The following MGAM variants were observed in gnomAD, a reference collection of about 807,000 sequenced individuals.
The protein encoded by MGAM is maltase-glucoamylase.
MGAM carries 253 observed loss-of-function variants against 358.8 expected under a neutral mutation model. That is an observed-to-expected ratio of 0.71 (90% confidence interval 0.64 to 0.78). The LOEUF is 0.78. Ranked by LOEUF, MGAM falls within the 30% of genes least tolerant of loss-of-function variation. The pLI, the probability that MGAM is intolerant of heterozygous loss-of-function variation, is 0.00. For missense variants in MGAM, 3,080 were observed against 3,432.6 expected, an observed-to-expected ratio of 0.90 and a Z score of 2.57; for synonymous variants, 1,105 against 1,227.1, an observed-to-expected ratio of 0.90 and a Z score of 2.08.
chr7:141,998,158 A>G (rs530122949), intron 1 of MGAM, among the ~76,000 whole-genome samples: 41 of 152,332 alleles, frequency 2.7e-4, no homozygotes, highest in Admixed American at 7.2e-4. Context: ...CAGGACAATG[A>G]GCTTTGACAA....
rs773857751 is a variant in MGAM at position 142,047,802 on chromosome 7, G to T, written c.2516G>T (p.Gly839Val). 1 of 1,612,638 alleles carries T rather than the reference G, an allele frequency of 6.2e-7. No homozygotes were observed. The highest frequency in any genetic ancestry group is 1.1e-5 in the South Asian group (1 of 91,054). Residue 839 changes from glycine to valine, a missense_variant, in exon 22 of 71, where the codon GGT becomes GTT. By Grantham distance (109) the Gly-to-Val change is moderately radical. Coordinates refer to ENST00000475668, the MANE Select transcript of MGAM (RefSeq NM_001365693.1). ...TTLASRKNPLGLIIALDENKE... is the reference protein window; with the variant it reads ...TTLASRKNPLVLIIALDENKE... ...CCCCACAGTCGAAAGAACCCTCTTG[G>T]TCTTATCATTGCCCTAGATGAGAAC... is the stretch of plus-strand genomic sequence containing the variant.
intron 21 of MGAM, among the ~76,000 whole-genome samples, chr7:142,041,982 A>ATGATATATATATTATATATATG (rs1210943951): frequency 7.6e-5 from 1 of 13,154 alleles, no homozygotes; most frequent in African/African-American, 2.5e-4. Flanking sequence ...ATATATATAT[A>ATGATATATATATTATATATATG]ATATAATATA....
chr7:142,035,123 A>G (rs76315184), intron 16 of MGAM, among the ~76,000 whole-genome samples: 2,321 of 152,292 alleles, frequency 0.015, 55 homozygotes, highest in African/African-American at 0.053. Flanking sequence ...ATCCTTAAGA[A>G]CACAGCTGAT....
At chr7:142,022,902 T>C (rs553973628) in intron 7 of MGAM, among the ~76,000 whole-genome samples, 1 of 152,236 alleles carries the variant, frequency 6.6e-6, no homozygotes, top group African/African-American at 2.4e-5. Context: ...AAAACAATCA[T>C]TTTTTGTATA....
chr7:142,099,311 T>G (rs1816237045), intron 66 of MGAM, among the ~76,000 whole-genome samples: 1 of 152,166 alleles, frequency 6.6e-6, no homozygotes, highest in South Asian at 2.1e-4. Flanking sequence ...ACATGTAGGA[T>G]GGAAGCATGG....
At chr7:142,034,204 C>A in intron 14 of MGAM, 58 bp from the exon 15 acceptor site, 3 of 1,297,604 alleles carry the variant, frequency 2.3e-6, no homozygotes, top group Non-Finnish European at 3.3e-6. Flanking sequence ...TTGTGATAGT[C>A]AAGGAGCAGA....
chr7:141,992,277 A>G (rs141944903), upstream of MGAM, among the ~76,000 whole-genome samples: 555 of 152,316 alleles, frequency 3.6e-3, 5 homozygotes, highest in African/African-American at 0.013. Context: ...TCAGAGACTT[A>G]GTTGCTTAAG....
chr7:142,064,364 C>T lies in MGAM; in HGVS notation c.4346-20C>T, dbSNP rs10271514. ...ACAGAATCAGGGCTGGGTTTCACCTCGCCAGTTCTTCCTCCTCAGATTTGG... is the reference window on the plus strand; with the variant it reads ...ACAGAATCAGGGCTGGGTTTCACCTTGCCAGTTCTTCCTCCTCAGATTTGG... On this transcript the variant is annotated intron_variant, in intron 36 of 70. Coordinates refer to ENST00000475668, the MANE Select transcript of MGAM (RefSeq NM_001365693.1). The T allele has an allele frequency of 0.6, 963,904 of 1,596,690 alleles. 293,014 individuals carry two copies. Among genetic ancestry groups the T allele is most frequent in the East Asian group, 0.82 (36,461 of 44,240 alleles).
intron 43 of MGAM, among the ~76,000 whole-genome samples, chr7:142,069,989 C>T (rs1349465138): frequency 1.4e-5 from 2 of 145,200 alleles, no homozygotes; most frequent in Non-Finnish European, 3.1e-5. Flanking sequence ...GTCAGGAGAT[C>T]GAGACCATCC....
chr7:142,067,479 A>G, intron 42 of MGAM, 54 bp downstream of exon 42: 2 of 1,402,406 alleles, frequency 1.4e-6, no homozygotes, highest in South Asian at 2.4e-5. Context: ...GGCTTGGGGA[A>G]AAGGACGAGG....
intron 2 of MGAM, among the ~76,000 whole-genome samples, chr7:141,987,646 T>C (rs782273190): frequency 1.3e-5 from 2 of 152,146 alleles, no homozygotes; most frequent in Non-Finnish European, 2.9e-5. Context: ...AGATTTGAGC[T>C]TAAAGAGAAA....
chr7:142,066,623 T>A lies in MGAM; in HGVS notation c.4821T>A (p.Asn1607Lys). ...CTGCTTTTGTGAATATTTCCAGAAATGTCCTGCAGACCAGATACACCCTGT... is the reference window on the plus strand; with the variant it reads ...CTGCTTTTGTGAATATTTCCAGAAAAGTCCTGCAGACCAGATACACCCTGT... ...WDAAFVNISRNVLQTRYTLLP... is the reference protein window; with the variant it reads ...WDAAFVNISRKVLQTRYTLLP... Residue 1607 changes from asparagine to lysine, a missense_variant, in exon 41 of 71, where the codon AAT becomes AAA. By Grantham distance (94) the Asn-to-Lys change is moderately conservative. Coordinates refer to ENST00000475668, the MANE Select transcript of MGAM (RefSeq NM_001365693.1). The A allele has an allele frequency of 3.9e-6, 6 of 1,555,698 alleles. 1 individual carries two copies. The highest frequency in any genetic ancestry group is 5.3e-6 in the Non-Finnish European group (6 of 1,132,472).
chr7:141,987,898 A>T (rs564375471), intron 2 of MGAM, among the ~76,000 whole-genome samples: 6 of 152,334 alleles, frequency 3.9e-5, no homozygotes, highest in Admixed American at 2.6e-4. Context: ...TTAGCAACTC[A>T]TTTCTCTTAG....
intron 70 of MGAM, among the ~76,000 whole-genome samples, chr7:142,104,308 C>A (rs1388775840): frequency 2.0e-5 from 3 of 152,070 alleles, no homozygotes; most frequent in Non-Finnish European, 4.4e-5. Context: ...AAGAGGTAGA[C>A]CCTAAATGTG....
At position 142,078,777 on chromosome 7, in the gene MGAM, G is replaced by A. The variant is rs749209914; in HGVS notation, c.5647-31G>A. On this transcript the variant is annotated intron_variant, in intron 48 of 70. Transcript: ENST00000475668. ...AGAGAACTTTAAGACCACATGCTGTGCTGATCTATGACTTTGGCCTTACTT... is the reference window on the plus strand; with the variant it reads ...AGAGAACTTTAAGACCACATGCTGTACTGATCTATGACTTTGGCCTTACTT... 1.2e-5 allele frequency: 19 copies of A among 1,521,844 alleles called. 3 individuals are homozygous for A. Among genetic ancestry groups the A allele is most frequent in the Middle Eastern group, 3.4e-4 (2 of 5,900 alleles). The allele number at this position is 1,521,844 out of a possible 1,614,324, so 94.3% of individuals were successfully genotyped here.
rs1183680694 is a variant in MGAM, at chr7:142,048,138, T to C, written c.2587+265T>C. Among the ~76,000 whole-genome samples the C allele has an allele frequency of 1.1e-4, 12 of 107,192 alleles. No individual in the cohort carries two copies. In the East Asian group the frequency reaches 4.0e-3, roughly 36 times the overall value. The allele number at this position is 107,192 out of a possible 152,430, so 70.3% of individuals were successfully genotyped here. ...CTTTTTATTTATTTATTTATTTATT[T>C]ATTTATTTATTTATTTATTTATTTA... On this transcript the variant is annotated intron_variant, in intron 22 of 70. Coordinates refer to ENST00000475668, the MANE Select transcript of MGAM (RefSeq NM_001365693.1).
rs111665002 is a variant in MGAM at position 142,090,263 on chromosome 7, A to C, written c.6811-1650A>C. On this transcript the variant is annotated intron_variant, in intron 57 of 70. Transcript: ENST00000475668. The stretch of plus-strand genomic sequence containing the variant: ...GAGCAGTACTTAGGGAAGTTCCTAC[A>C]TCATGGCTGGCCAAGTTCACCACGT... Among the ~76,000 whole-genome samples, 21 of 145,954 alleles carry C rather than the reference A, an allele frequency of 1.4e-4. 2 individuals carry two copies. Among genetic ancestry groups the C allele is most frequent in the South Asian group, 2.2e-4 (1 of 4,542 alleles).
At position 142,082,450 on chromosome 7, in the gene MGAM, A is replaced by T. The variant is rs773983622; in HGVS notation, c.6172-25A>T. 1.9e-5 allele frequency: 28 copies of T among 1,458,748 alleles called. 5 individuals carry two copies. The highest frequency in any genetic ancestry group is 2.6e-5 in the Non-Finnish European group (28 of 1,061,626). The allele number at this position is 1,458,748 out of a possible 1,614,324, so 90.4% of individuals were successfully genotyped here. Reference sequence around the variant, plus strand: ...CAGGCATAATGTCTTTTAAACTCCTACTGCTTCTCCCCATGACTCTCCAGT... The same window carrying T: ...CAGGCATAATGTCTTTTAAACTCCTTCTGCTTCTCCCCATGACTCTCCAGT... On this transcript the variant is annotated intron_variant, in intron 51 of 70. Transcript: ENST00000475668.
chr7:142,027,646 C>T lies in MGAM; in HGVS notation c.1132C>T (p.Leu378Phe). 1 of 1,613,820 alleles carries T rather than the reference C, an allele frequency of 6.2e-7. No individual in the cohort carries two copies. Among genetic ancestry groups the T allele is most frequent in the South Asian group, 1.1e-5 (1 of 91,076 alleles). The part of the protein sequence containing the change: ...GRPALPSYWA[L>F]GFHLSRYEYG... Reference sequence around the variant, plus strand: ...GCCAGCCCTTCCCTCCTACTGGGCGCTTGGATTTCACCTCAGTCGTTACGA... The same window carrying T: ...GCCAGCCCTTCCCTCCTACTGGGCGTTTGGATTTCACCTCAGTCGTTACGA... Residue 378 changes from leucine to phenylalanine, a missense_variant, in exon 10 of 71, where the codon CTT becomes TTT. Coordinates refer to ENST00000475668, the MANE Select transcript of MGAM (RefSeq NM_001365693.1).
Sources: gnomAD v4.1 joint callset for allele counts (sites outside exome capture counted in the v4.1 genomes callset) on GRCh38, gnomAD v4.1.1 for gene constraint, MANE v1.5 for transcripts, NCBI Gene and HGNC (gene_info 2026-07-23, HGNC 2026-07-21) for gene names.